The following ZNF423 variants were observed in gnomAD, a reference collection of about 807,000 sequenced individuals.
ZNF423 encodes zinc finger protein 423, also known as Ebf-associated zinc finger protein.
Under a neutral mutation model 95.8 loss-of-function variants are expected in ZNF423, and 12 were observed. That is an observed-to-expected ratio of 0.13 (90% CI 0.08 to 0.20). The LOEUF is 0.20. ZNF423 is among the 10% of genes least tolerant of loss of function. The pLI is 1.00. For synonymous variants in ZNF423, 749 were observed against 711.9 expected (o/e 1.05, Z -0.83); for missense variants, 1,316 against 1,737.1 (o/e 0.76, Z 4.31).
chr16:49,854,191 G>C, intron 1 of ZNF423: 1 of 985,402 alleles, frequency 1.0e-6, no homozygotes, highest in Non-Finnish European at 1.2e-6. Flanking sequence ...GGCTGTCCCG[G>C]ATTGGGAGAC....
chr16:49,742,648 G>C (rs1470370538), intron 2 of ZNF423, among the ~76,000 whole-genome samples: 1 of 152,094 alleles, frequency 6.6e-6, no homozygotes, highest in Admixed American at 6.5e-5. Context: ...CGGTGGGCAG[G>C]GGAGGGAGGA....
intron 5 of ZNF423, among the ~76,000 whole-genome samples, chr16:49,614,869 A>G (rs1971824906): frequency 6.6e-6 from 1 of 152,216 alleles, no homozygotes; most frequent in South Asian, 2.1e-4. Context: ...AGTGGCTCAC[A>G]ACAGTAATCC....
At chr16:49,778,446 T>A (rs1263578431) in intron 2 of ZNF423, among the ~76,000 whole-genome samples, 1 of 152,230 alleles carries the variant, frequency 6.6e-6, no homozygotes, top group Non-Finnish European at 1.5e-5. Flanking sequence ...ACAGTCCATG[T>A]GTCCAGCCCC....
At chr16:49,699,538 C>G (rs1159088215) in intron 3 of ZNF423, among the ~76,000 whole-genome samples, 1 of 151,896 alleles carries the variant, frequency 6.6e-6, no homozygotes, top group Non-Finnish European at 1.5e-5. Context: ...GATTTTGATG[C>G]TGGAAGGAGG....
intron 1 of ZNF423, among the ~76,000 whole-genome samples, chr16:49,837,855 C>T (rs917047224): frequency 3.3e-5 from 5 of 152,214 alleles, no homozygotes; most frequent in East Asian, 3.8e-4. Context: ...CCTACACCAG[C>T]GGTCACGTCA....
intron 3 of ZNF423, among the ~76,000 whole-genome samples, chr16:49,680,437 C>T (rs1020702922): frequency 4.6e-5 from 7 of 152,338 alleles, no homozygotes; most frequent in Non-Finnish European, 7.3e-5. Flanking sequence ...ACAAACAGCA[C>T]GGAAAAACAC....
intron 3 of ZNF423, among the ~76,000 whole-genome samples, chr16:49,684,515 A>G (rs1272969453): frequency 6.6e-6 from 1 of 152,222 alleles, no homozygotes; most frequent in African/African-American, 2.4e-5. Flanking sequence ...ACAGATGAAG[A>G]AACCTCCCCA....
chr16:49,814,896 C>A (rs866132614), intron 1 of ZNF423, among the ~76,000 whole-genome samples: 1 of 152,084 alleles, frequency 6.6e-6, no homozygotes, highest in Non-Finnish European at 1.5e-5. Context: ...CGACAGGAGG[C>A]GGTCAGGTCT....
chr16:49,750,124 T>A (rs985699510), intron 2 of ZNF423, among the ~76,000 whole-genome samples: 2 of 152,246 alleles, frequency 1.3e-5, no homozygotes, highest in African/African-American at 2.4e-5. Context: ...CCTATCATGC[T>A]GCTGCTCGGG....
chr16:49,780,080 A>T (rs1156359006), intron 2 of ZNF423, among the ~76,000 whole-genome samples: 1 of 152,244 alleles, frequency 6.6e-6, no homozygotes, highest in Non-Finnish European at 1.5e-5. Flanking sequence ...GTGGAAGCGA[A>T]GTCATCAGCC....
In ZNF423 at chr16:49,637,178, C is replaced by T; in HGVS notation, c.1998G>A (p.Leu666=). ...ACTGGGGGCACGCTTGCTTCCGCAG[C>T]AGCAGCTCCAGGTGCAGCTTCAGGT... ...QTHLKLHLEL[L]LRKQACPQCK... The change falls in exon 4 of 8, where the codon CTG becomes CTA. Residue 666 remains leucine (L), a synonymous_variant. Transcript: ENST00000563137. This position sits in a 1 kb window ranked among gnomAD's most constrained non-coding sequence, Gnocchi z 5.6. The T allele has an allele frequency of 1.2e-6, 2 of 1,613,884 alleles. No homozygotes were observed. Among genetic ancestry groups the T allele is most frequent in the Non-Finnish European group, 1.7e-6 (2 of 1,180,044 alleles).
chr16:49,523,580 C>T (rs1197109712), intron 7 of ZNF423, 44 bp downstream of exon 7: 7 of 1,549,636 alleles, frequency 4.5e-6, no homozygotes, highest in South Asian at 2.2e-5. Flanking sequence ...ACGGGGGAAC[C>T]GAGGACCATC....
At chr16:49,735,054 C>T (rs567577484) in intron 2 of ZNF423, among the ~76,000 whole-genome samples, 13 of 152,254 alleles carry the variant, frequency 8.5e-5, no homozygotes, top group African/African-American at 3.1e-4. Context: ...CAATGAACAC[C>T]TGAGCCAGGT....
intron 1 of ZNF423, among the ~76,000 whole-genome samples, chr16:49,839,850 C>G (rs2035164766): frequency 6.6e-6 from 1 of 152,194 alleles, no homozygotes; most frequent in South Asian, 2.1e-4. Flanking sequence ...TCCAGGCCCC[C>G]AGCTCCCCTC....
At chr16:49,732,115 C>T (rs2033183614) in intron 2 of ZNF423, among the ~76,000 whole-genome samples, 1 of 152,130 alleles carries the variant, frequency 6.6e-6, no homozygotes. Context: ...CAGAGAGGGA[C>T]AGCTTTGTCT....
chr16:49,622,264 A>G (rs1972106984), intron 5 of ZNF423, among the ~76,000 whole-genome samples: 1 of 152,060 alleles, frequency 6.6e-6, no homozygotes, highest in Non-Finnish European at 1.5e-5. Context: ...GGGGCCCCCA[A>G]AGTTGGACCC....
intron 5 of ZNF423, among the ~76,000 whole-genome samples, chr16:49,621,034 C>G (rs188080800): frequency 6.6e-6 from 1 of 152,062 alleles, no homozygotes; most frequent in Admixed American, 6.5e-5. Flanking sequence ...CTTCAGCAGC[C>G]CCCCCGGGGA....
At chr16:49,646,970 T>A (rs904155274) in intron 3 of ZNF423, among the ~76,000 whole-genome samples, 3 of 152,198 alleles carry the variant, frequency 2.0e-5, no homozygotes, top group African/African-American at 7.2e-5. Flanking sequence ...AACCCCTTTT[T>A]ATAACTGTGC....
intron 3 of ZNF423, among the ~76,000 whole-genome samples, chr16:49,691,278 C>CAA (rs990301263): frequency 1.9e-4 from 29 of 152,214 alleles, no homozygotes; most frequent in Non-Finnish European, 3.7e-4. Context: ...GGGGTCTGTG[C>CAA]AAATATTCAC....
Sources: allele counts gnomAD v4.1 joint callset (sites outside exome capture counted in the v4.1 genomes callset), GRCh38; gene constraint gnomAD v4.1.1; non-coding constraint Gnocchi (gnomAD v3.1); transcripts MANE v1.5; gene names NCBI Gene and HGNC (gene_info 2026-07-23, HGNC 2026-07-21).